DPY19L2: variants seen among roughly 807,000 people sequenced by gnomAD.
The protein encoded by DPY19L2 is dpy-19 like 2.
DPY19L2 carries 34 observed loss-of-function variants against 97.9 expected under a neutral mutation model. The ratio of observed to expected loss-of-function variants is 0.35; its 90% confidence interval spans 0.26 to 0.46. The LOEUF (loss-of-function observed/expected upper bound fraction) is 0.46, where lower values mean the gene tolerates loss of function less well. Ranked by LOEUF, DPY19L2 falls within the 20% of genes least tolerant of loss-of-function variation. The probability of loss-of-function intolerance (pLI) is 1.00; values close to 1 mark genes in which losing one functional copy is unlikely to be tolerated. For synonymous variants in DPY19L2, 230 were observed against 307.9 expected, an observed-to-expected ratio of 0.75 and a Z score of 2.65; for missense variants, 623 against 911.4, an observed-to-expected ratio of 0.68 and a Z score of 4.07.
intron 12 of DPY19L2, among the ~76,000 whole-genome samples, chr12:63,604,527 C>T (rs1016055724): frequency 6.6e-6 from 1 of 152,032 alleles, no homozygotes; most frequent in Non-Finnish European, 1.5e-5. Flanking sequence ...AAGGCTCTGT[C>T]CTTTTTCCTG....
chr12:63,601,977 A>C (rs1885264405), intron 12 of DPY19L2, among the ~76,000 whole-genome samples: 1 of 152,178 alleles, frequency 6.6e-6, no homozygotes, highest in African/African-American at 2.4e-5. Flanking sequence ...TAATAGATGA[A>C]AAAATGCCTT....
At chr12:63,658,327 T>C (rs1208377759) in intron 4 of DPY19L2, among the ~76,000 whole-genome samples, 1 of 152,028 alleles carries the variant, frequency 6.6e-6, no homozygotes, top group Non-Finnish European at 1.5e-5. Flanking sequence ...AAACCCCGTT[T>C]CTACTAAAAA....
At chr12:63,638,020 G>A (rs560484335) in intron 6 of DPY19L2, among the ~76,000 whole-genome samples, 5 of 152,164 alleles carry the variant, frequency 3.3e-5, no homozygotes, top group Admixed American at 2.0e-4. Flanking sequence ...ATGATCAAGT[G>A]GCCTTCATCC....
At chr12:63,570,053 C>A (rs1401389485) in intron 20 of DPY19L2, among the ~76,000 whole-genome samples, 1 of 152,118 alleles carries the variant, frequency 6.6e-6, no homozygotes, top group African/African-American at 2.4e-5. Flanking sequence ...TGACTCCAAG[C>A]CCTGGCTCCT....
chr12:63,582,263 G>A (rs1881063650), intron 18 of DPY19L2, 143 bp downstream of exon 18: 6 of 808,874 alleles, frequency 7.4e-6, no homozygotes, highest in Non-Finnish European at 1.1e-5. Flanking sequence ...GAATCATGAA[G>A]TAATATTTTA....
chr12:63,611,931 C>T (rs549587746), intron 11 of DPY19L2, among the ~76,000 whole-genome samples: 42 of 151,892 alleles, frequency 2.8e-4, no homozygotes, highest in African/African-American at 9.9e-4. Flanking sequence ...TCAATTAATC[C>T]TAAATACAAG....
chr12:63,644,497 C>T lies in DPY19L2; in HGVS notation c.710-1G>A. On this transcript the variant is annotated splice_acceptor_variant, in intron 5 of 21. Coordinates refer to ENST00000324472, the MANE Select transcript of DPY19L2 (RefSeq NM_173812.5). LOFTEE classifies it high-confidence loss of function. Reference sequence around the variant, plus strand: ...TAAAAGCAAGCAGGATCTCCCAATCCTTTGAAAAGATACAGATAATCAGTG... The same window carrying T: ...TAAAAGCAAGCAGGATCTCCCAATCTTTTGAAAAGATACAGATAATCAGTG... 1 of 1,605,088 alleles carries T rather than the reference C, an allele frequency of 6.2e-7. No homozygotes were observed. Among genetic ancestry groups the T allele is most frequent in the Non-Finnish European group, 8.5e-7 (1 of 1,177,200 alleles).
chr12:63,562,087 G>C (rs949944267), intron 21 of DPY19L2, among the ~76,000 whole-genome samples: 1 of 152,064 alleles, frequency 6.6e-6, no homozygotes, highest in African/African-American at 2.4e-5. Context: ...AAGTCTGCCA[G>C]ATTTTTTTAG....
intron 19 of DPY19L2, among the ~76,000 whole-genome samples, chr12:63,578,451 G>C (rs1361454294): frequency 6.6e-6 from 1 of 152,090 alleles, no homozygotes; most frequent in Non-Finnish European, 1.5e-5. Flanking sequence ...AAATAACTGA[G>C]AGAGTATAAC....
intron 6 of DPY19L2, among the ~76,000 whole-genome samples, chr12:63,629,470 T>C (rs1403430971): frequency 6.6e-6 from 1 of 152,066 alleles, no homozygotes; most frequent in African/African-American, 2.4e-5. Flanking sequence ...GTATCAGTGA[T>C]GGATGATCAA....
At position 63,661,470 on chromosome 12, in the gene DPY19L2, A is replaced by G; in HGVS notation, c.462T>C (p.Tyr154=). The G allele has an allele frequency of 6.4e-7, 1 of 1,568,916 alleles. No individual in the cohort carries two copies. The highest frequency in any genetic ancestry group is 8.6e-7 in the Non-Finnish European group (1 of 1,165,178). ...CTTCAATAATGGTCTTGAAGTATGA[A>G]TAATAAAGTCCCTTTTTTTAAAAAA... ...MTFRTEMGLY[Y]SYFKTIIEAP... is the part of the protein sequence containing the mutation. Residue 154 remains tyrosine (Y), a synonymous_variant, in exon 4 of 22, where the codon TAT becomes TAC. Transcript: ENST00000324472.
chr12:63,643,649 A>C (rs1189729474), intron 6 of DPY19L2, among the ~76,000 whole-genome samples: 14 of 152,204 alleles, frequency 9.2e-5, no homozygotes, highest in Admixed American at 8.5e-4. Flanking sequence ...GTTCAGCAGC[A>C]GAAGGATGGT....
chr12:63,611,474 C>T (rs9668125), intron 11 of DPY19L2, among the ~76,000 whole-genome samples: 66 of 151,728 alleles, frequency 4.3e-4, no homozygotes, highest in Non-Finnish European at 7.8e-4. Context: ...TAATTGAAAC[C>T]GACACAGATG....
intron 6 of DPY19L2, among the ~76,000 whole-genome samples, chr12:63,632,902 A>T (rs1381327331): frequency 2.0e-5 from 3 of 152,182 alleles, no homozygotes; most frequent in Non-Finnish European, 2.9e-5. Context: ...GCCCTCAGAA[A>T]TAATGCTGCA....
chr12:63,651,971 C>A, intron 4 of DPY19L2: 1 of 298,848 alleles, frequency 3.3e-6, no homozygotes. Flanking sequence ...TTCAAACCCA[C>A]CCACTTTCCA....
chr12:63,641,025 T>C (rs961877406), intron 6 of DPY19L2, among the ~76,000 whole-genome samples: 8 of 152,062 alleles, frequency 5.3e-5, no homozygotes, highest in Admixed American at 5.2e-4. Flanking sequence ...CCCGAGTAGC[T>C]GGGACTACAG....
At chr12:63,634,643 A>G (rs369331822) in intron 6 of DPY19L2, among the ~76,000 whole-genome samples, 8 of 151,816 alleles carry the variant, frequency 5.3e-5, no homozygotes, top group Admixed American at 3.3e-4. Flanking sequence ...CATCCCGCAC[A>G]TGGCTCAGAA....
chr12:63,665,459 C>T (rs1208864117), intron 2 of DPY19L2, among the ~76,000 whole-genome samples: 3 of 141,474 alleles, frequency 2.1e-5, no homozygotes, highest in African/African-American at 5.3e-5. Context: ...GGAGACAGAG[C>T]AAGACTCTGT....
At chr12:63,657,577 G>A (rs1357111509) in intron 4 of DPY19L2, among the ~76,000 whole-genome samples, 3 of 151,020 alleles carry the variant, frequency 2.0e-5, no homozygotes, top group Non-Finnish European at 4.4e-5. Context: ...TTTCCTGCCT[G>A]TTCTCTTTCA....
Sources: allele counts gnomAD v4.1 joint callset (sites outside exome capture counted in the v4.1 genomes callset), GRCh38; gene constraint gnomAD v4.1.1; transcripts MANE v1.5; gene names NCBI Gene and HGNC (gene_info 2026-07-23, HGNC 2026-07-21).